The following MCC variants were observed in gnomAD, a reference collection of about 807,000 sequenced individuals.
MCC encodes MCC regulator of Wnt signaling pathway.
In MCC, 90 loss-of-function variants were observed where a neutral mutation model predicts 116.2. That is an observed-to-expected ratio of 0.77 (90% CI 0.65 to 0.92). The LOEUF is 0.92. Among genes scored for constraint, MCC ranks in the 40% least tolerant of loss-of-function variants. The pLI is 0.00. For missense variants in MCC, 1,516 were observed against 1,312.2 expected (o/e 1.16, Z -2.40); for synonymous variants, 578 against 510.5 (o/e 1.13, Z -1.78).
At chr5:113,307,084 G>A (rs1383960539) in intron 3 of MCC, among the ~76,000 whole-genome samples, 3 of 152,094 alleles carry the variant, frequency 2.0e-5, no homozygotes, top group Non-Finnish European at 2.9e-5. Context: ...AAATCAGAAC[G>A]TGTGTTGAGT....
intron 1 of MCC, among the ~76,000 whole-genome samples, chr5:113,398,230 TTGG>T (rs1159366798): frequency 1.3e-5 from 2 of 152,184 alleles, no homozygotes; most frequent in Non-Finnish European, 2.9e-5. Context: ...TTGTGCACTG[TTGG>T]TGGGAATGTA....
At chr5:113,045,357 G>T (rs1289277529) in intron 16 of MCC, among the ~76,000 whole-genome samples, 1 of 152,150 alleles carries the variant, frequency 6.6e-6, no homozygotes, top group African/African-American at 2.4e-5. Context: ...AAAGGTTCAA[G>T]ACTCAAATGT....
chr5:113,108,331 TAAAAAAAAAAAAA>T (rs56780207), intron 6 of MCC, among the ~76,000 whole-genome samples: 5 of 42,768 alleles, frequency 1.2e-4, no homozygotes, highest in South Asian at 3.9e-3. Context: ...CACTCTATCT[TAAAAAAAAAAAAA>T]AAAAAAAAAA....
chr5:113,315,158 T>C (rs1767247374), intron 3 of MCC, among the ~76,000 whole-genome samples: 6 of 152,254 alleles, frequency 3.9e-5, no homozygotes. Flanking sequence ...GAGGTGCTTT[T>C]AAGGTAAAGA....
intron 3 of MCC, among the ~76,000 whole-genome samples, chr5:113,223,935 C>T (rs1763641958): frequency 6.6e-6 from 1 of 152,124 alleles, no homozygotes; most frequent in Non-Finnish European, 1.5e-5. Context: ...CCAAGGACTC[C>T]TAGACCTTCC....
chr5:113,042,135 T>G (rs1024404466), intron 17 of MCC, among the ~76,000 whole-genome samples: 4 of 151,112 alleles, frequency 2.6e-5, no homozygotes, highest in African/African-American at 9.7e-5. Flanking sequence ...TGAAAAGAAT[T>G]ACATGTGAAG....
At chr5:113,367,242 C>T (rs1388023359) in intron 2 of MCC, among the ~76,000 whole-genome samples, 1 of 151,684 alleles carries the variant, frequency 6.6e-6, no homozygotes, top group Admixed American at 6.6e-5. Flanking sequence ...TACAGATAAG[C>T]CGAGTTTTTT....
In MCC at chr5:113,272,768, A is replaced by C. The variant is rs553336108; in HGVS notation, c.627+67751T>G. ...TATTCTTTTAAAAATGAATATGATA[A>C]TGCTTGGATTGCAAGGAAACGAATT... On this transcript the variant is annotated intron_variant, in intron 3 of 18. Coordinates refer to ENST00000408903, the MANE Select transcript of MCC (RefSeq NM_001085377.2). 1.1e-4 allele frequency among the ~76,000 whole-genome samples: 17 copies of C among 152,336 alleles called. No individual in the cohort carries two copies. The South Asian group carries it at 2.9e-3, about 26-fold the overall frequency.
At position 113,067,613 on chromosome 5, in the gene MCC, GC is replaced by G. The variant is rs1478554560; in HGVS notation, c.2029+466del. ...ATTGCACCATTGCACTCCAGCCTGG[GC>G]AACAAGAGCAAAACTCCATCTCAAA... On this transcript the variant is annotated intron_variant, in intron 13 of 18. Transcript: ENST00000408903. Among the ~76,000 whole-genome samples the G allele has an allele frequency of 3.9e-5, 6 of 152,170 alleles. No individual in the cohort carries two copies. In the East Asian group the frequency reaches 9.6e-4, roughly 24 times the overall value.
chr5:113,184,477 TTG>T (rs1485952181), intron 3 of MCC, among the ~76,000 whole-genome samples: 2 of 127,550 alleles, frequency 1.6e-5, no homozygotes, highest in Non-Finnish European at 3.2e-5. Flanking sequence ...TCTTCGTTTT[TTG>T]TTTTTTTTTT....
intron 2 of MCC, among the ~76,000 whole-genome samples, chr5:113,380,372 C>T (rs915196770): frequency 3.3e-5 from 5 of 152,208 alleles, no homozygotes; most frequent in African/African-American, 1.2e-4. Context: ...GTTAACTCTA[C>T]TTTAAAGCTT....
chr5:113,076,477 A>C (rs976530450), intron 11 of MCC, among the ~76,000 whole-genome samples: 1 of 152,212 alleles, frequency 6.6e-6, no homozygotes, highest in African/African-American at 2.4e-5. Context: ...AGAAACTCTA[A>C]AAGCCAGAAG....
chr5:113,248,832 C>CTTTTTTTTTTTTTTTTTT (rs1269527611), intron 3 of MCC, among the ~76,000 whole-genome samples: 1 of 138,200 alleles, frequency 7.2e-6, no homozygotes, highest in Non-Finnish European at 1.6e-5. Context: ...TCTCTCTCTT[C>CTTTTTTTTTTTTTTTTTT]TTTTTTTTTT....
chr5:113,028,797 G>A (rs959510202), intron 18 of MCC, 137 bp downstream of exon 18: 12 of 1,003,100 alleles, frequency 1.2e-5, no homozygotes, highest in Non-Finnish European at 1.7e-5. Context: ...GAGCCAGGTA[G>A]GGACTCACCC....
chr5:113,393,740 T>C (rs1769458111), intron 1 of MCC, among the ~76,000 whole-genome samples: 2 of 152,214 alleles, frequency 1.3e-5, no homozygotes, highest in African/African-American at 4.8e-5. Flanking sequence ...TCATAACATA[T>C]AATCCCAGAG....
intron 2 of MCC, among the ~76,000 whole-genome samples, chr5:113,376,773 C>A (rs1192346098): frequency 6.6e-6 from 1 of 152,148 alleles, no homozygotes; most frequent in Admixed American, 6.5e-5. Context: ...CCTGCTCTTT[C>A]CTCAGCTCTT....
intron 1 of MCC, among the ~76,000 whole-genome samples, chr5:113,464,124 A>G (rs1276299591): frequency 6.6e-6 from 1 of 152,092 alleles, no homozygotes; most frequent in Non-Finnish European, 1.5e-5. Flanking sequence ...CAATGAAGTG[A>G]CAATAGGGCA....
intron 13 of MCC, among the ~76,000 whole-genome samples, chr5:113,064,480 G>A (rs1561770878): frequency 6.6e-6 from 1 of 152,180 alleles, no homozygotes; most frequent in Admixed American, 6.5e-5. Context: ...AATGATCCAG[G>A]CTCCTGGCTT....
Position 113,123,924 on chromosome 5 carries a change from T to C in MCC, c.885-1098A>G, listed in dbSNP as rs555904014. Among the ~76,000 whole-genome samples, 10 of 152,298 alleles carry C rather than the reference T, an allele frequency of 6.6e-5. No homozygotes were observed. The East Asian group carries it at 1.7e-3, about 26-fold the overall frequency. ...CCAGAGGAGAAGAAAGTCTACAGTG[T>C]TGGATTCTGGGTGGACCAAAATGAT... On this transcript the variant is annotated intron_variant, in intron 5 of 18. Transcript: ENST00000408903.
Sources: allele counts gnomAD v4.1 joint callset (sites outside exome capture counted in the v4.1 genomes callset), GRCh38; gene constraint gnomAD v4.1.1; transcripts MANE v1.5; gene names NCBI Gene and HGNC (gene_info 2026-07-23, HGNC 2026-07-21).